Variants in SEM1 observed in about 807,000 individuals in gnomAD.
SEM1 encodes the protein 26S proteasome complex subunit SEM1.
A neutral mutation model predicts 12.7 loss-of-function variants in SEM1; 3 were observed. The ratio of observed to expected loss-of-function variants is 0.24; its 90% CI spans 0.11 to 0.61. The LOEUF (loss-of-function observed/expected upper bound fraction) is 0.61. Among genes scored for constraint, SEM1 ranks in the 20% least tolerant of loss-of-function variants. The pLI, the probability that SEM1 is intolerant of heterozygous loss-of-function variation, is 0.88. For missense variants in SEM1, 59 were observed against 81.3 expected (o/e 0.73, Z 1.06); for synonymous variants, 30 against 27.8 (o/e 1.08, Z -0.25).
intron 2 of SEM1, among the ~76,000 whole-genome samples, chr7:96,543,148 GCAGT>G (rs1457398966): frequency 1.3e-5 from 2 of 151,830 alleles, no homozygotes; most frequent in Non-Finnish European, 2.9e-5. Flanking sequence ...GTGTATTCAA[GCAGT>G]CAGATCAAAA....
At chr7:96,558,556 T>C (rs1047548726) in intron 2 of SEM1, among the ~76,000 whole-genome samples, 8 of 151,910 alleles carry the variant, frequency 5.3e-5, no homozygotes, top group Admixed American at 6.6e-5. Context: ...AAGAAGAGAA[T>C]GAAGAGCATG....
At chr7:96,585,076 GT>G (rs927133471) in intron 2 of SEM1, among the ~76,000 whole-genome samples, 66 of 152,150 alleles carry the variant, frequency 4.3e-4, no homozygotes, top group Middle Eastern at 3.4e-3. Context: ...TTTCTGCTCT[GT>G]TTTTTCCCCA....
intron 2 of SEM1, among the ~76,000 whole-genome samples, chr7:96,600,931 C>A (rs1358039065): frequency 1.3e-5 from 2 of 152,178 alleles, no homozygotes; most frequent in Non-Finnish European, 2.9e-5. Flanking sequence ...ACACTCCACA[C>A]ACACTAATTT....
At chr7:96,556,571 G>T (rs1322489950) in intron 2 of SEM1, among the ~76,000 whole-genome samples, 1 of 151,896 alleles carries the variant, frequency 6.6e-6, no homozygotes, top group Non-Finnish European at 1.5e-5. Flanking sequence ...CTGTTAGTCT[G>T]ATGGGCTTCC....
intron 2 of SEM1, among the ~76,000 whole-genome samples, chr7:96,574,971 G>T (rs1806158804): frequency 6.6e-6 from 1 of 152,088 alleles, no homozygotes; most frequent in Admixed American, 6.5e-5. Context: ...CTGTCAATTT[G>T]GCAAACTCAT....
chr7:96,632,653 G>A (rs1380975936), intron 2 of SEM1, among the ~76,000 whole-genome samples: 5 of 151,984 alleles, frequency 3.3e-5, no homozygotes, highest in Non-Finnish European at 7.4e-5. Context: ...GTATACCTAT[G>A]TAACGAACCT....
chr7:96,504,763 A>C (rs955912840), intron 3 of SEM1, among the ~76,000 whole-genome samples: 1 of 151,870 alleles, frequency 6.6e-6, no homozygotes, highest in African/African-American at 2.4e-5. Flanking sequence ...GGTTCATTTG[A>C]TTATATCAGA....
chr7:96,646,598 T>C (rs1290363586), intron 2 of SEM1, among the ~76,000 whole-genome samples: 2 of 152,190 alleles, frequency 1.3e-5, no homozygotes, highest in African/African-American at 4.8e-5. Context: ...CTGTCTATAA[T>C]ATGCAAGGCA....
chr7:96,619,489 G>A (rs560382517), downstream of SEM1, among the ~76,000 whole-genome samples: 11 of 152,174 alleles, frequency 7.2e-5, no homozygotes, highest in South Asian at 8.3e-4. Flanking sequence ...TGGCAGCAGC[G>A]GGGTGAGTGT....
downstream of SEM1, among the ~76,000 whole-genome samples, chr7:96,684,569 G>T (rs529953083): frequency 1.3e-5 from 2 of 152,056 alleles, no homozygotes; most frequent in Non-Finnish European, 2.9e-5. Context: ...ATGCATTTGA[G>T]GCAGAGTTGA....
intron 2 of SEM1, among the ~76,000 whole-genome samples, chr7:96,570,962 GC>G (rs1806006049): frequency 7.5e-6 from 1 of 133,614 alleles, no homozygotes; most frequent in East Asian, 2.1e-4. Context: ...GTGATGATGA[GC>G]TTTTTTTTTT....
intron 2 of SEM1, among the ~76,000 whole-genome samples, chr7:96,522,228 T>C (rs900147225): frequency 6.6e-6 from 1 of 152,162 alleles, no homozygotes; most frequent in Non-Finnish European, 1.5e-5. Flanking sequence ...GCACATGCTC[T>C]ATGTTACCAT....
At chr7:96,517,520 A>G (rs1804134002) in intron 2 of SEM1, among the ~76,000 whole-genome samples, 1 of 152,122 alleles carries the variant, frequency 6.6e-6, no homozygotes, top group Non-Finnish European at 1.5e-5. Context: ...TTCGGGTTAG[A>G]TATGTATTAA....
At chr7:96,566,616 T>C (rs887498179) in intron 2 of SEM1, among the ~76,000 whole-genome samples, 6 of 151,730 alleles carry the variant, frequency 4.0e-5, no homozygotes, top group Admixed American at 1.3e-4. Flanking sequence ...TTTATAGTAT[T>C]CTATTGCTAT....
chr7:96,668,762 T>C (rs2095181993), downstream of SEM1, among the ~76,000 whole-genome samples: 1 of 152,022 alleles, frequency 6.6e-6, no homozygotes, highest in South Asian at 2.1e-4. Flanking sequence ...AAAAAAGACA[T>C]GTTGAAATCT....
At chr7:96,511,114 T>G (rs1803921289) in intron 2 of SEM1, among the ~76,000 whole-genome samples, 1 of 151,844 alleles carries the variant, frequency 6.6e-6, no homozygotes, top group South Asian at 2.1e-4. Flanking sequence ...TGCCTGAGAG[T>G]GTTATATGAG....
intron 2 of SEM1, among the ~76,000 whole-genome samples, chr7:96,577,589 G>T (rs1806248439): frequency 6.6e-6 from 1 of 152,014 alleles, no homozygotes; most frequent in Non-Finnish European, 1.5e-5. Flanking sequence ...CCACAAAGAA[G>T]CCTTTACATG....
chr7:96,557,948 G>A (rs10953185), intron 2 of SEM1, among the ~76,000 whole-genome samples: 93,274 of 151,958 alleles, frequency 0.61, 29,390 homozygotes, highest in Non-Finnish European at 0.69. Flanking sequence ...GGAGTGACCC[G>A]ATTTTCCAGG....
downstream of SEM1, among the ~76,000 whole-genome samples, chr7:96,687,646 G>C (rs866766198): frequency 2.0e-5 from 3 of 151,886 alleles, no homozygotes; most frequent in East Asian, 1.9e-4. Context: ...GGTGGGGAGA[G>C]GGGGGAGGGA....
Sources: gnomAD v4.1 joint callset for allele counts (sites outside exome capture counted in the v4.1 genomes callset) on GRCh38, gnomAD v4.1.1 for gene constraint, MANE v1.5 for transcripts, NCBI Gene and HGNC (gene_info 2026-07-23, HGNC 2026-07-21) for gene names.